Variants in GCA observed in about 807,000 individuals in gnomAD.
The protein encoded by GCA is grancalcin, EF-hand calcium-binding protein.
GCA carries 30 observed loss-of-function variants against 32.6 expected under a neutral mutation model. The observed-to-expected ratio is 0.92, with a 90% CI of 0.69 to 1.25. The LOEUF (loss-of-function observed/expected upper bound fraction) is 1.25. Among genes scored for constraint, GCA ranks in the 50% most tolerant of loss-of-function variants. The pLI is 0.00. For missense variants in GCA, 291 were observed against 266.8 expected (o/e 1.09, Z -0.63); for synonymous variants, 102 against 84.6 (o/e 1.21, Z -1.13).
Position 162,346,653 on chromosome 2 carries a change from C to T in GCA, c.28-925C>T, listed in dbSNP as rs553714743. The stretch of plus-strand genomic sequence containing the variant: ...GCCCATGTGGAGGAGAACTGGGGCC[C>T]CTGGCCAACAAGGTTCATCCCTAAA... On this transcript the variant is annotated intron_variant, in intron 1 of 7. Coordinates refer to ENST00000437150, the MANE Select transcript of GCA (RefSeq NM_012198.5). The T allele has an allele frequency of 1.6e-4, 25 of 152,264 alleles. No individual in the cohort carries two copies. In the South Asian group the frequency reaches 5.2e-3, roughly 32 times the overall value. The allele number at this position is 152,264 out of a possible 1,614,324, so 9.4% of individuals were successfully genotyped here.
Position 162,361,927 on chromosome 2 carries a change from TTCTGC to T in GCA, c.*1685_*1689del. The T allele has an allele frequency of 1.0e-6, 1 of 984,624 alleles. No homozygotes were observed. The highest frequency in any genetic ancestry group is 1.2e-6 in the Non-Finnish European group (1 of 829,422). 61.0% of individuals were successfully genotyped at this position (984,624 alleles called of 1,614,324 possible). ...TATACAGATGGTCGTTACTGAACTA[TTCTGC>T]GGTCGATTATGATTATCTCTCTTAC... On this transcript the variant is annotated 3_prime_UTR_variant, in exon 8 of 8. Transcript: ENST00000437150.
intron 3 of GCA, among the ~76,000 whole-genome samples, chr2:162,353,205 C>CATGG (rs1685089008): frequency 6.6e-6 from 1 of 152,118 alleles, no homozygotes; most frequent in Admixed American, 6.5e-5. Context: ...CGCCGTGGCT[C>CATGG]ATGCCTGCAA....
At chr2:162,337,635 T>A (rs934543985) in intron 1 of GCA, among the ~76,000 whole-genome samples, 38 of 152,148 alleles carry the variant, frequency 2.5e-4, no homozygotes, top group Non-Finnish European at 4.7e-4. Flanking sequence ...ATTGGGCTCA[T>A]TATACCCACC....
Position 162,361,561 on chromosome 2 carries a change from A to G in GCA, c.*1318A>G. ...GGCAATATCTTGAACAAAATCTTTT[A>G]TAAACTTACAGAATTTTAAATCAGC... On this transcript the variant is annotated 3_prime_UTR_variant, in exon 8 of 8. Transcript: ENST00000437150. The G allele has an allele frequency of 3.1e-6, 3 of 982,244 alleles. No homozygotes were observed. Among genetic ancestry groups the G allele is most frequent in the Non-Finnish European group, 3.6e-6 (3 of 827,254 alleles). The allele number at this position is 982,244 out of a possible 1,614,324, so 60.8% of individuals were successfully genotyped here.
At chr2:162,334,961 T>C (rs1684219871) in intron 1 of GCA, among the ~76,000 whole-genome samples, 1 of 152,242 alleles carries the variant, frequency 6.6e-6, no homozygotes, top group Non-Finnish European at 1.5e-5. Context: ...TCATTCCTTC[T>C]GTTTTTGGTA....
At chr2:162,347,405 A>C (rs1189280739) in intron 1 of GCA, among the ~76,000 whole-genome samples, 173 bp from the exon 2 acceptor site, 1 of 152,152 alleles carries the variant, frequency 6.6e-6, no homozygotes, top group African/African-American at 2.4e-5. Context: ...GAATTGAATT[A>C]TGTCTTAATG....
intron 1 of GCA, among the ~76,000 whole-genome samples, chr2:162,338,586 C>T (rs112986352): frequency 0.045 from 6,890 of 152,154 alleles, 538 homozygotes; most frequent in African/African-American, 0.16. Flanking sequence ...ATTTAACTGA[C>T]ATATTTAATT....
At chr2:162,334,696 A>C (rs1684207661) in intron 1 of GCA, among the ~76,000 whole-genome samples, 1 of 152,192 alleles carries the variant, frequency 6.6e-6, no homozygotes, top group Non-Finnish European at 1.5e-5. Context: ...AGTAAGCTAT[A>C]AGCTTCACAA....
At chr2:162,324,686 C>T (rs928048270) in intron 1 of GCA, among the ~76,000 whole-genome samples, 2 of 152,214 alleles carry the variant, frequency 1.3e-5, no homozygotes, top group East Asian at 3.9e-4. Context: ...GGGTAAAGCC[C>T]TAGCTAGGGA....
At chr2:162,353,812 C>T (rs916678500) in intron 3 of GCA, among the ~76,000 whole-genome samples, 1 of 152,192 alleles carries the variant, frequency 6.6e-6, no homozygotes, top group African/African-American at 2.4e-5. Context: ...AGATGTAGGA[C>T]GTTTTCTTCA....
At chr2:162,344,324 G>T (rs149650493) in intron 1 of GCA, 49 bp downstream of exon 1, 1 of 1,584,376 alleles carries the variant, frequency 6.3e-7, no homozygotes, top group South Asian at 1.1e-5. Flanking sequence ...GGGGTGTGGC[G>T]CCCCCGGGGG....
chr2:162,344,863 C>T (rs1272255209), intron 1 of GCA, among the ~76,000 whole-genome samples: 1 of 152,104 alleles, frequency 6.6e-6, no homozygotes, highest in Non-Finnish European at 1.5e-5. Context: ...TGGCTAGCCC[C>T]TTCTTTTCAG....
intron 1 of GCA, among the ~76,000 whole-genome samples, chr2:162,337,800 A>G (rs1684317695): frequency 6.6e-6 from 1 of 152,166 alleles, no homozygotes; most frequent in South Asian, 2.1e-4. Flanking sequence ...CTTGATTCTT[A>G]GGTTTTAAGT....
At chr2:162,360,022 G>A (rs1180925272) in intron 7 of GCA, among the ~76,000 whole-genome samples, 195 bp from the exon 8 acceptor site, 1 of 151,004 alleles carries the variant, frequency 6.6e-6, no homozygotes, top group African/African-American at 2.4e-5. Flanking sequence ...AATGTTTCAG[G>A]GTTTTTGTTT....
At chr2:162,327,675 A>G (rs1297860916) in intron 1 of GCA, among the ~76,000 whole-genome samples, 2 of 152,142 alleles carry the variant, frequency 1.3e-5, no homozygotes, top group Non-Finnish European at 2.9e-5. Flanking sequence ...GGGAAAGGGT[A>G]AGGAGAGATT....
chr2:162,343,806 T>C (rs1447441496), upstream of GCA, among the ~76,000 whole-genome samples: 1 of 152,216 alleles, frequency 6.6e-6, no homozygotes, highest in East Asian at 1.9e-4. Flanking sequence ...TTGGGGTTTC[T>C]AGAAAGAAAA....
rs763011824 is a variant in GCA at position 162,338,685 on chromosome 2, G to A, written c.-30-8893G>A. ...ATGATATTCATAAGCACGCAACTTGGATTTAAAATTTAAGGTAGGTATTTT... is the reference window on the plus strand; with the variant it reads ...ATGATATTCATAAGCACGCAACTTGAATTTAAAATTTAAGGTAGGTATTTT... On this transcript the variant is annotated intron_variant, in intron 1 of 4. Transcript: ENST00000429691. 3.3e-5 allele frequency among the ~76,000 whole-genome samples: 5 copies of A among 152,240 alleles called. No individual in the cohort carries two copies. In the East Asian group the frequency reaches 9.7e-4, roughly 29 times the overall value.
intron 1 of GCA, among the ~76,000 whole-genome samples, chr2:162,324,371 C>G (rs1683799481): frequency 6.6e-6 from 1 of 152,094 alleles, no homozygotes; most frequent in Non-Finnish European, 1.5e-5. Flanking sequence ...AAAGGTTTTC[C>G]CCTGGAATCA....
downstream of GCA, among the ~76,000 whole-genome samples, chr2:162,367,557 A>G (rs1685793407): frequency 6.6e-6 from 1 of 151,930 alleles, no homozygotes; most frequent in Non-Finnish European, 1.5e-5. Flanking sequence ...GGAGATTGAC[A>G]CTCTCACTAT....
Sources: allele counts gnomAD v4.1 joint callset (sites outside exome capture counted in the v4.1 genomes callset), GRCh38; gene constraint gnomAD v4.1.1; transcripts MANE v1.5; gene names NCBI Gene and HGNC (gene_info 2026-07-23, HGNC 2026-07-21).